BRD7: variants seen among roughly 807,000 people sequenced by gnomAD.
BRD7 encodes the protein bromodomain containing 7, also known as bromodomain-containing protein 7.
Under a neutral mutation model 82.1 loss-of-function variants are expected in BRD7, and 15 were observed. The ratio of observed to expected loss-of-function variants is 0.18; its 90% CI spans 0.12 to 0.28. The LOEUF is 0.28. BRD7 is among the 10% of genes least tolerant of loss of function. The probability of loss-of-function intolerance (pLI) is 1.00; values close to 1 mark genes in which losing one functional copy is unlikely to be tolerated. For synonymous variants in BRD7, 232 were observed against 266.9 expected, an observed-to-expected ratio of 0.87 and a Z score of 1.27; for missense variants, 638 against 779.9, an observed-to-expected ratio of 0.82 and a Z score of 2.17.
At chr16:50,332,094 T>C (rs923247019) in intron 8 of BRD7, among the ~76,000 whole-genome samples, 4 of 152,172 alleles carry the variant, frequency 2.6e-5, no homozygotes, top group African/African-American at 4.8e-5. Flanking sequence ...GAATTTTCTA[T>C]GTTCTCAAAA....
Position 50,318,238 on chromosome 16 carries a change from G to GTCTT in BRD7, c.*969_*972dup, listed in dbSNP as rs1015740816. On this transcript the variant is annotated 3_prime_UTR_variant, in exon 17 of 17. Transcript: ENST00000394688. ...TGACTCTTTTAGCATAAGATTTTAA[G>GTCTT]TCTTTTGAGGGAATTAATTTTCCTT... The GTCTT allele has an allele frequency of 2.0e-5, 3 of 152,162 alleles. No homozygotes were observed. Among genetic ancestry groups the GTCTT allele is most frequent in the South Asian group, 2.1e-4 (1 of 4,830 alleles). The allele number at this position is 152,162 out of a possible 1,614,324, so 9.4% of individuals were successfully genotyped here. A position where few individuals can be genotyped will look rare whatever the true frequency, so the allele number is the denominator to read the frequency against.
At chr16:50,362,105 T>C (rs1447527963) in intron 2 of BRD7, among the ~76,000 whole-genome samples, 3 of 152,224 alleles carry the variant, frequency 2.0e-5, no homozygotes, top group African/African-American at 7.2e-5. Context: ...TAACTGAACA[T>C]ATAGTGTTAC....
intron 2 of BRD7, among the ~76,000 whole-genome samples, chr16:50,367,118 A>G (rs1165201116): frequency 6.6e-6 from 1 of 152,362 alleles, no homozygotes; most frequent in East Asian, 1.9e-4. Context: ...ATATATAAAC[A>G]TAAGAAAAAT....
At chr16:50,330,336 ACTTTTTTT>A (rs2037509715) in intron 8 of BRD7, among the ~76,000 whole-genome samples, 1 of 139,766 alleles carries the variant, frequency 7.2e-6, no homozygotes, top group Non-Finnish European at 1.5e-5. Context: ...AAAAGAGGAC[ACTTTTTTT>A]TTTTTTTTTT....
Position 50,320,293 on chromosome 16 carries a change from T to C in BRD7, c.1711A>G (p.Asn571Asp). The change falls in exon 15 of 17, where the codon AAC becomes GAC. Residue 571 changes from asparagine (N) to aspartate (D), a missense_variant. Physicochemically the swap from Asn to Asp is conservative, Grantham distance 23. Around this residue, in one of 3 missense-constraint regions of BRD7, gnomAD observed 402 missense variants for 500.8 expected, o/e 0.80. Transcript: ENST00000394688. ...NERLSTRPPP[N>D]MICLLGPSYR... ...GAGGGACCCAAGAGACAGATCATGT[T>C]CGGAGGGGGTCTGGTGCTCAAACGT... 1 of 1,614,188 alleles carries C rather than the reference T, an allele frequency of 6.2e-7. No individual in the cohort carries two copies. Among genetic ancestry groups the C allele is most frequent in the South Asian group, 1.1e-5 (1 of 91,086 alleles).
intron 4 of BRD7, among the ~76,000 whole-genome samples, chr16:50,350,410 C>T (rs1328853405): frequency 1.3e-5 from 2 of 152,218 alleles, no homozygotes; most frequent in African/African-American, 4.8e-5. Context: ...TACACAGCCT[C>T]ATTAACAGCT....
At chr16:50,321,954 T>G in intron 13 of BRD7, 28 bp downstream of exon 13, 1 of 1,587,042 alleles carries the variant, frequency 6.3e-7, no homozygotes, top group South Asian at 1.1e-5. Flanking sequence ...CATTTAAATA[T>G]TTCTTGTAAA....
intron 6 of BRD7, among the ~76,000 whole-genome samples, 159 bp downstream of exon 6, chr16:50,339,814 CTTT>C (rs1187678932): frequency 6.6e-6 from 1 of 152,040 alleles, no homozygotes; most frequent in Non-Finnish European, 1.5e-5. Context: ...ATTTTCTTCT[CTTT>C]ATTAAAATTT....
intron 9 of BRD7, among the ~76,000 whole-genome samples, chr16:50,327,477 T>A (rs1302663342): frequency 3.3e-5 from 5 of 152,250 alleles, no homozygotes; most frequent in Non-Finnish European, 7.3e-5. Context: ...AAAATTCTAC[T>A]TGTCTGCATC....
At chr16:50,352,915 T>A (rs930369985) in intron 4 of BRD7, among the ~76,000 whole-genome samples, 1 of 152,176 alleles carries the variant, frequency 6.6e-6, no homozygotes, top group South Asian at 2.1e-4. Context: ...AAGGCAGCCA[T>A]GACATTTTAC....
chr16:50,368,398 A>G, intron 1 of BRD7, 100 bp from the exon 2 acceptor site: 1 of 1,324,280 alleles, frequency 7.6e-7, no homozygotes, highest in Non-Finnish European at 1.0e-6. Flanking sequence ...AGCAAGCCCG[A>G]GGCGGCTTTG....
chr16:50,361,341 T>C (rs971912647), intron 2 of BRD7, among the ~76,000 whole-genome samples: 1 of 152,224 alleles, frequency 6.6e-6, no homozygotes, highest in Admixed American at 6.5e-5. Context: ...TTAATGCTTT[T>C]GAGTAAAAAA....
rs1253102515 is a variant in BRD7, at chr16:50,326,395, C to T, written c.1088-4G>A. Reference sequence around the variant, plus strand: ...CTCACAGGGCAGTAGCCTGGCTCTACAACATAAAACAGAGCACAGTGAAGG... The same window carrying T: ...CTCACAGGGCAGTAGCCTGGCTCTATAACATAAAACAGAGCACAGTGAAGG... On this transcript the variant is annotated splice_region_variant and splice_polypyrimidine_tract_variant and intron_variant, in intron 9 of 16. Transcript: ENST00000394688. 5.1e-6 allele frequency: 8 copies of T among 1,558,276 alleles called. No individual in the cohort carries two copies. The South Asian group carries it at 8.2e-5, about 16-fold the overall frequency.
chr16:50,320,499 GTAATC>G (rs1401699236), intron 14 of BRD7, 108 bp from the exon 15 acceptor site: 3 of 1,506,830 alleles, frequency 2.0e-6, no homozygotes, highest in Non-Finnish European at 2.7e-6. Flanking sequence ...CTTCAAAAGA[GTAATC>G]CGCTTGAAAT....
At chr16:50,319,655 T>TTAAC (rs2036991820) in intron 16 of BRD7, among the ~76,000 whole-genome samples, 2 of 152,194 alleles carry the variant, frequency 1.3e-5, no homozygotes, top group African/African-American at 4.8e-5. Flanking sequence ...ATACAGTCTA[T>TTAAC]TAACTACATT....
chr16:50,354,548 G>C, intron 3 of BRD7, 66 bp from the exon 4 acceptor site: 1 of 1,351,588 alleles, frequency 7.4e-7, no homozygotes, highest in Non-Finnish European at 1.0e-6. Flanking sequence ...TTATTTACTA[G>C]ATCATTTTCT....
chr16:50,330,952 C>A (rs2037539287), intron 8 of BRD7, among the ~76,000 whole-genome samples: 1 of 151,992 alleles, frequency 6.6e-6, no homozygotes, highest in South Asian at 2.1e-4. Flanking sequence ...ATTCTATATA[C>A]ATAGTATATA....
intron 1 of BRD7, 85 bp downstream of exon 1, chr16:50,368,641 G>T (rs530016055): frequency 1.4e-6 from 2 of 1,418,266 alleles, no homozygotes; most frequent in South Asian, 1.2e-5. Flanking sequence ...GAAGGGCCCC[G>T]GGCCGCCCCG....
In BRD7 at chr16:50,321,994, T is replaced by C; in HGVS notation, c.1488A>G (p.Ala496=). The change falls in exon 13 of 17, where the codon GCA becomes GCG. Residue 496 remains alanine, a synonymous_variant. Transcript: ENST00000394688. The part of the protein sequence containing the change: ...DEGHTRTLDT[A]KEMEITEVEP... Reference sequence around the variant, plus strand: ...AAAATAAAATCACCTCCATTTCTTTTGCTGTGTCAAGTGTCCTAGTATGGC... The same window carrying C: ...AAAATAAAATCACCTCCATTTCTTTCGCTGTGTCAAGTGTCCTAGTATGGC... 6.2e-7 allele frequency: 1 copy of C among 1,611,130 alleles called. No homozygotes were observed. Among genetic ancestry groups the C allele is most frequent in the Non-Finnish European group, 8.5e-7 (1 of 1,179,230 alleles).
Sources: gnomAD v4.1 joint callset for allele counts (sites outside exome capture counted in the v4.1 genomes callset) on GRCh38, gnomAD v4.1.1 for gene constraint, gnomAD v4.1.1 regional missense constraint, MANE v1.5 for transcripts, NCBI Gene and HGNC (gene_info 2026-07-23, HGNC 2026-07-21) for gene names.